CIB1: variants seen among roughly 807,000 people sequenced by gnomAD.
CIB1 encodes the protein calcium and integrin-binding protein 1.
In CIB1, 19 loss-of-function variants were observed where a neutral mutation model predicts 25.0. The observed-to-expected ratio is 0.76, with a 90% CI of 0.53 to 1.12. The LOEUF is 1.12. Ranked by LOEUF, CIB1 falls within the 50% of genes most tolerant of loss-of-function variation. The pLI is 0.00. For missense variants in CIB1, 236 were observed against 242.6 expected, an observed-to-expected ratio of 0.97 and a Z score of 0.18; for synonymous variants, 104 against 98.5, an observed-to-expected ratio of 1.06 and a Z score of -0.33.
the CIB1 span, chr15:90,257,570 T>C: frequency 1.4e-6 from 2 of 1,441,350 alleles, no homozygotes; most frequent in Non-Finnish European, 1.9e-6. Context: ...AGCAACAAGG[T>C]AATGAAGGGC....
the CIB1 span, chr15:90,261,950 C>T: frequency 3.6e-6 from 5 of 1,376,936 alleles, no homozygotes; most frequent in Non-Finnish European, 4.8e-6. Context: ...GTCTTCCTTT[C>T]CCTACTGAAC....
intron 3 of CIB1, 22 bp from the exon 4 acceptor site, chr15:90,231,529 G>A (rs765073668): frequency 1.9e-6 from 3 of 1,611,366 alleles, no homozygotes; most frequent in Non-Finnish European, 2.5e-6. Flanking sequence ...AACGCCACAG[G>A]ACGTGGCCCA....
intron 6 of CIB1, 146 bp from the exon 7 acceptor site, chr15:90,230,651 T>C: frequency 1.2e-6 from 1 of 855,374 alleles, no homozygotes; most frequent in Non-Finnish European, 1.9e-6. Context: ...CCCCGAGACA[T>C]CCAGAGGGAG....
the CIB1 span, among the ~76,000 whole-genome samples, chr15:90,240,208 G>A: frequency 6.6e-6 from 1 of 150,670 alleles, no homozygotes; most frequent in Non-Finnish European, 1.5e-5. Context: ...GGGTGACAGA[G>A]TGATAAATAA....
the CIB1 span, among the ~76,000 whole-genome samples, chr15:90,239,305 ATGTGTGTGTGTGTG>A: frequency 2.1e-3 from 309 of 147,976 alleles, 1 homozygote; most frequent in African/African-American, 7.1e-3. Flanking sequence ...GAGACATAAA[ATGTGTGTGTGTGTG>A]TGTGTGTGTG....
the CIB1 span, chr15:90,255,918 C>G: frequency 1.2e-6 from 2 of 1,613,538 alleles, no homozygotes; most frequent in African/African-American, 2.7e-5. Context: ...GCTGAGATAC[C>G]AGGGGGAGGA....
chr15:90,231,191 C>A lies in CIB1; in HGVS notation c.369G>T (p.Leu123Phe), dbSNP rs767933367. ...CCAGCCGGCTCAGGTCTTCTCTGTT[C>A]AAGGTTCCGTCATCATCAAAGTCTA... ...RIFDFDDDGT[L>F]NREDLSRLVN... Residue 123 changes from leucine to phenylalanine, a missense_variant, in exon 5 of 7, where the codon TTG becomes TTT. Physicochemically the swap from Leu to Phe is conservative, Grantham distance 22 (BLOSUM62 0). Coordinates refer to ENST00000328649, the MANE Select transcript of CIB1 (RefSeq NM_006384.4). 6.2e-7 allele frequency: 1 copy of A among 1,610,926 alleles called. No individual in the cohort carries two copies. The highest frequency in any genetic ancestry group is 1.1e-5 in the South Asian group (1 of 90,790).
rs867091177 is a variant in CIB1, at chr15:90,233,668, C to T, written c.86+1G>A. 6.3e-7 allele frequency: 1 copy of T among 1,577,444 alleles called. No homozygotes were observed. Among genetic ancestry groups the T allele is most frequent in the East Asian group, 2.3e-5 (1 of 43,016 alleles). ...GAGGCAGGGTTCAAGGCAGCACTTA[C>T]AGGAGGATCTCCTGCTTCGTCAGGA... On this transcript the variant is annotated splice_donor_variant, in intron 2 of 6. Coordinates refer to ENST00000328649, the MANE Select transcript of CIB1 (RefSeq NM_006384.4). LOFTEE classifies it high-confidence loss of function.
the CIB1 span, among the ~76,000 whole-genome samples, chr15:90,256,545 T>TTTTCTTTCTTTCTTTCTTTC: frequency 2.0e-4 from 21 of 105,390 alleles, no homozygotes; most frequent in Admixed American, 4.4e-4. Flanking sequence ...TCTCCTTCCT[T>TTTTCTTTCTTTCTTTCTTTC]TTTCTTTCTT....
At chr15:90,257,988 T>G in the CIB1 span, 8 of 1,565,032 alleles carry the variant, frequency 5.1e-6, no homozygotes, top group African/African-American at 9.5e-5. Context: ...GCCTACAGCC[T>G]GGCCCAGTGG....
At chr15:90,241,222 AGAG>A in the CIB1 span, 1 of 1,614,094 alleles carries the variant, frequency 6.2e-7, no homozygotes, top group East Asian at 2.2e-5. Flanking sequence ...CGTGGTGTGC[AGAG>A]GAGGCCCCCG....
the CIB1 span, among the ~76,000 whole-genome samples, chr15:90,256,494 G>A: frequency 6.6e-6 from 1 of 152,142 alleles, no homozygotes; most frequent in Non-Finnish European, 1.5e-5. Context: ...TCCCAGATAT[G>A]TGACCTTGGG....
the CIB1 span, among the ~76,000 whole-genome samples, chr15:90,264,488 A>G: frequency 6.4e-3 from 969 of 152,282 alleles, 16 homozygotes; most frequent in African/African-American, 0.023. Flanking sequence ...TCCTTTCTGT[A>G]CACTAGACCC....
At chr15:90,241,406 C>T in the CIB1 span, 22 of 1,613,664 alleles carry the variant, frequency 1.4e-5, no homozygotes, top group Non-Finnish European at 1.9e-5. Flanking sequence ...AGTGGGGCCA[C>T]GTGCTGCTGG....
chr15:90,246,045 G>A, the CIB1 span, among the ~76,000 whole-genome samples: 1 of 151,938 alleles, frequency 6.6e-6, no homozygotes, highest in Non-Finnish European at 1.5e-5. Context: ...AGGCCGAGGC[G>A]GGCAGATCAC....
the CIB1 span, among the ~76,000 whole-genome samples, chr15:90,246,364 C>T: frequency 6.6e-6 from 1 of 152,062 alleles, no homozygotes; most frequent in Non-Finnish European, 1.5e-5. Flanking sequence ...TAATGGGAAA[C>T]CTTGAAGAAT....
chr15:90,232,284 T>C lies in CIB1; in HGVS notation c.130A>G (p.Ser44Gly). The change falls in exon 3 of 7, where the codon AGC becomes GGC. Residue 44 changes from serine to glycine, a missense_variant. By Grantham distance (56) the Ser-to-Gly change is moderately conservative. Transcript: ENST00000328649. ...TGTGCCCGAAGTGACGACTCCACGCTCCGCTGCTCCTGGGGAAGCAGCTCA... is the reference window on the plus strand; with the variant it reads ...TGTGCCCGAAGTGACGACTCCACGCCCCGCTGCTCCTGGGGAAGCAGCTCA... ...FCELLPQEQR[S>G]VESSLRAQVP... 2 of 1,612,144 alleles carry C rather than the reference T, an allele frequency of 1.2e-6. No individual in the cohort carries two copies. Among genetic ancestry groups the C allele is most frequent in the African/African-American group, 2.7e-5 (2 of 75,038 alleles).
chr15:90,234,128 G>A, upstream of CIB1: 1 of 379,336 alleles, frequency 2.6e-6, no homozygotes, highest in East Asian at 3.8e-5. Context: ...CGACGCTCCG[G>A]GGCGGAGCCC....
At chr15:90,258,891 G>T in the CIB1 span, 2 of 1,614,022 alleles carry the variant, frequency 1.2e-6, no homozygotes. Context: ...GTCAAGGAAC[G>T]GCTTTTCCAG....
Sources: allele counts gnomAD v4.1 joint callset (sites outside exome capture counted in the v4.1 genomes callset), GRCh38; gene constraint gnomAD v4.1.1; transcripts MANE v1.5; gene names NCBI Gene and HGNC (gene_info 2026-07-23, HGNC 2026-07-21).